The following CHODL variants were observed in gnomAD, a reference collection of about 807,000 sequenced individuals.
The protein encoded by CHODL is transmembrane protein MT75.
In CHODL, 29 loss-of-function variants were observed where a neutral mutation model predicts 34.5. That is an observed-to-expected ratio of 0.84 (90% CI 0.63 to 1.15). The LOEUF (loss-of-function observed/expected upper bound fraction) is 1.15. CHODL is among the 50% of genes most tolerant of loss of function. CHODL has a pLI of 0.00. For missense variants in CHODL, 332 were observed against 332.5 expected (o/e 1.00, Z 0.01); for synonymous variants, 125 against 116.1 (o/e 1.08, Z -0.49).
intron 2 of CHODL, among the ~76,000 whole-genome samples, chr21:18,226,942 G>C (rs1429453143): frequency 2.6e-5 from 4 of 152,098 alleles, no homozygotes; most frequent in Non-Finnish European, 5.9e-5. Flanking sequence ...AGCTGTCTTA[G>C]TCCATTCCGG....
intron 1 of CHODL, among the ~76,000 whole-genome samples, chr21:17,971,075 A>G (rs1340238679): frequency 6.6e-6 from 1 of 152,158 alleles, no homozygotes; most frequent in Non-Finnish European, 1.5e-5. Flanking sequence ...ATCATTTTTT[A>G]TGGCTACATA....
At chr21:18,073,936 C>A (rs903891104) in intron 2 of CHODL, among the ~76,000 whole-genome samples, 3 of 151,924 alleles carry the variant, frequency 2.0e-5, no homozygotes, top group Non-Finnish European at 4.4e-5. Flanking sequence ...AAATAAATTT[C>A]ATAACATTTA....
In CHODL at chr21:18,138,995, T is replaced by C. The variant is rs866711527; in HGVS notation, c.-45+111024T>C. Among the ~76,000 whole-genome samples the C allele has an allele frequency of 2.6e-5, 4 of 152,218 alleles. 1 individual carries two copies. The highest frequency in any genetic ancestry group is 2.9e-5 in the Non-Finnish European group (2 of 68,008). ...AAAAGCTAACAAATAGTTTGGGTAA[T>C]ATTATATTTTATTTTCTTCTATGTC... On this transcript the variant is annotated intron_variant, in intron 2 of 6. Transcript: ENST00000400127.
At chr21:18,084,927 G>GTGTGTA (rs2064986854) in intron 2 of CHODL, among the ~76,000 whole-genome samples, 1 of 137,302 alleles carries the variant, frequency 7.3e-6, no homozygotes, top group African/African-American at 3.0e-5. Flanking sequence ...AATAGTGTGT[G>GTGTGTA]TGTGTGTGTG....
At chr21:18,190,307 T>A (rs922013400) in intron 2 of CHODL, among the ~76,000 whole-genome samples, 1 of 152,212 alleles carries the variant, frequency 6.6e-6, no homozygotes, top group Non-Finnish European at 1.5e-5. Context: ...TCCTTTTGAA[T>A]GAAAGCTACT....
chr21:17,935,121 G>A (rs2063308841), intron 1 of CHODL, among the ~76,000 whole-genome samples: 3 of 152,104 alleles, frequency 2.0e-5, no homozygotes, highest in South Asian at 4.1e-4. Flanking sequence ...TGAGAGACTG[G>A]ACTGTCCAAA....
intron 2 of CHODL, among the ~76,000 whole-genome samples, chr21:18,223,489 A>G (rs960545303): frequency 2.0e-5 from 3 of 152,196 alleles, no homozygotes; most frequent in African/African-American, 7.2e-5. Flanking sequence ...TCAATACTCC[A>G]GAATAAGTAA....
intron 2 of CHODL, among the ~76,000 whole-genome samples, chr21:18,064,458 G>T (rs1237950813): frequency 2.0e-5 from 3 of 152,198 alleles, no homozygotes; most frequent in Admixed American, 2.0e-4. Flanking sequence ...TTCAGTAGTT[G>T]TTTATAGTTG....
chr21:18,034,975 A>G (rs1235930952), intron 2 of CHODL, among the ~76,000 whole-genome samples: 1 of 152,038 alleles, frequency 6.6e-6, no homozygotes, highest in Non-Finnish European at 1.5e-5. Context: ...CTCCCAGTGC[A>G]TGACTCCAGA....
rs372411064 is a variant in CHODL at position 18,040,079 on chromosome 21, A to T, written c.-45+12108A>T. Among the ~76,000 whole-genome samples, 10 of 151,976 alleles carry T rather than the reference A, an allele frequency of 6.6e-5. No homozygotes were observed. In the East Asian group the frequency reaches 9.7e-4, roughly 15 times the overall value. ...TTCAAAAGAAATATGTTATTTAACT[A>T]TTCAAACCTCTTATCATAATTGAGT... is the stretch of plus-strand genomic sequence containing the variant. On this transcript the variant is annotated intron_variant, in intron 2 of 6. Coordinates refer to the CHODL transcript ENST00000400127.
chr21:18,194,773 G>A (rs989182512), intron 2 of CHODL, among the ~76,000 whole-genome samples: 1 of 151,880 alleles, frequency 6.6e-6, no homozygotes, highest in African/African-American at 2.4e-5. Context: ...GGAAATTTAA[G>A]ATCTATTCCT....
chr21:18,195,348 C>T (rs1461240640), intron 2 of CHODL, among the ~76,000 whole-genome samples: 1 of 152,154 alleles, frequency 6.6e-6, no homozygotes, highest in Non-Finnish European at 1.5e-5. Flanking sequence ...GCCACCGCAC[C>T]CAGCCCAATG....
intron 2 of CHODL, among the ~76,000 whole-genome samples, chr21:18,132,188 A>C (rs1194402428): frequency 6.6e-6 from 1 of 152,100 alleles, no homozygotes; most frequent in East Asian, 1.9e-4. Context: ...TTAATTTTAA[A>C]TTTATGAGTT....
At chr21:17,983,977 A>G (rs2063734232) in intron 1 of CHODL, among the ~76,000 whole-genome samples, 2 of 152,192 alleles carry the variant, frequency 1.3e-5, no homozygotes, top group Non-Finnish European at 1.5e-5. Flanking sequence ...TAAGTTGCAC[A>G]AGTCTGGATT....
intron 1 of CHODL, among the ~76,000 whole-genome samples, chr21:17,927,134 G>GTATATATGTATATATGTATATATATGTA (rs2063233307): frequency 9.3e-6 from 1 of 107,708 alleles, no homozygotes; most frequent in African/African-American, 4.5e-5. Flanking sequence ...GTATATATAT[G>GTATATATGTATATATGTATATATATGTA]TATATATGTA....
chr21:18,116,953 G>A (rs902367171), intron 2 of CHODL, among the ~76,000 whole-genome samples: 11 of 152,122 alleles, frequency 7.2e-5, no homozygotes, highest in African/African-American at 2.2e-4. Context: ...ACTCCATTGC[G>A]CCCACATTTT....
At chr21:18,163,909 T>C (rs1319511713) in intron 2 of CHODL, among the ~76,000 whole-genome samples, 1 of 152,222 alleles carries the variant, frequency 6.6e-6, no homozygotes, top group Non-Finnish European at 1.5e-5. Context: ...GTGTGATTAA[T>C]GCTTAAAAAA....
intron 2 of CHODL, among the ~76,000 whole-genome samples, chr21:18,083,463 C>G (rs113833096): frequency 0.064 from 9,769 of 152,182 alleles, 960 homozygotes; most frequent in African/African-American, 0.21. Context: ...GGCCACTGTC[C>G]TCCAGAACCC....
At chr21:17,924,160 A>G (rs1361623590) in intron 1 of CHODL, among the ~76,000 whole-genome samples, 1 of 152,244 alleles carries the variant, frequency 6.6e-6, no homozygotes, top group Non-Finnish European at 1.5e-5. Context: ...GAGCAAAGGC[A>G]TGTACACAAG....
Sources: allele counts gnomAD v4.1 joint callset (sites outside exome capture counted in the v4.1 genomes callset), GRCh38; gene constraint gnomAD v4.1.1; transcripts MANE v1.5; gene names NCBI Gene and HGNC (gene_info 2026-07-23, HGNC 2026-07-21).